ST7: variants seen among roughly 807,000 people sequenced by gnomAD.
ST7 encodes the protein suppression of tumorigenicity 7, also known as suppressor of tumorigenicity 7 protein.
In ST7, 28 loss-of-function variants were observed where a neutral mutation model predicts 78.7. The observed-to-expected ratio is 0.36, with a 90% CI of 0.26 to 0.49. The LOEUF (loss-of-function observed/expected upper bound fraction) is 0.49, where lower values mean the gene tolerates loss of function less well. Ranked by LOEUF, ST7 falls within the 20% of genes least tolerant of loss-of-function variation. ST7 has a pLI of 0.99. For synonymous variants in ST7, 247 were observed against 249.6 expected (o/e 0.99, Z 0.10); for missense variants, 418 against 696.0 (o/e 0.60, Z 4.49).
At chr7:117,101,068 T>A (rs994174506) in intron 2 of ST7, among the ~76,000 whole-genome samples, 1 of 152,024 alleles carries the variant, frequency 6.6e-6, no homozygotes, top group South Asian at 2.1e-4. Flanking sequence ...AGTAAAAAGA[T>A]GAAGAAATGT....
intron 1 of ST7, among the ~76,000 whole-genome samples, chr7:116,987,906 T>C (rs1794255372): frequency 6.6e-6 from 1 of 152,204 alleles, no homozygotes; most frequent in Non-Finnish European, 1.5e-5. Context: ...TTTGTGTTTT[T>C]GGTAGAGACA....
chr7:117,119,976 T>C (rs1803232446), intron 3 of ST7, among the ~76,000 whole-genome samples: 2 of 151,834 alleles, frequency 1.3e-5, no homozygotes. Flanking sequence ...TCACCCAGGC[T>C]GGAGTGCAGT....
intron 2 of ST7, among the ~76,000 whole-genome samples, chr7:117,103,114 G>C (rs964492450): frequency 6.6e-6 from 1 of 152,048 alleles, no homozygotes; most frequent in Non-Finnish European, 1.5e-5. Context: ...TTTTGTGCTC[G>C]TGGATTGGAA....
chr7:117,178,786 A>G (rs538947594), intron 10 of ST7, among the ~76,000 whole-genome samples: 58 of 152,334 alleles, frequency 3.8e-4, no homozygotes, highest in Admixed American at 7.8e-4. Flanking sequence ...TAAGTTTTCC[A>G]AGACCCATCT....
chr7:117,180,271 G>A (rs769767474), intron 10 of ST7, among the ~76,000 whole-genome samples: 9 of 152,106 alleles, frequency 5.9e-5, no homozygotes, highest in Non-Finnish European at 8.8e-5. Flanking sequence ...CTGCTGAGTC[G>A]TTAACAATGA....
chr7:117,064,958 CATT>C (rs923818013), intron 1 of ST7, among the ~76,000 whole-genome samples: 23 of 152,262 alleles, frequency 1.5e-4, no homozygotes, highest in Admixed American at 3.9e-4. Context: ...TGACTAATCT[CATT>C]GTGTATATTG....
chr7:117,208,429 C>T (rs1218797116), intron 12 of ST7, among the ~76,000 whole-genome samples: 1 of 152,132 alleles, frequency 6.6e-6, no homozygotes. Context: ...TCTCACTTCC[C>T]TACTCTTCCT....
At chr7:117,097,271 A>G (rs1373139494) in intron 1 of ST7, among the ~76,000 whole-genome samples, 1 of 151,592 alleles carries the variant, frequency 6.6e-6, no homozygotes, top group Non-Finnish European at 1.5e-5. Context: ...TGAAAGGTAT[A>G]TGGTACAGAT....
At position 117,097,909 on chromosome 7, in the gene ST7, T is replaced by TATATATATATATATATATA. The variant is rs1554436004; in HGVS notation, c.152-1853_152-1852insATATATATATATATATATA. 4.5e-3 allele frequency among the ~76,000 whole-genome samples: 68 copies of TATATATATATATATATATA among 15,278 alleles called. 1 individual carries two copies. Among genetic ancestry groups the TATATATATATATATATATA allele is most frequent in the Middle Eastern group, 0.062 (1 of 16 alleles). 10.0% of individuals were successfully genotyped at this position (15,278 alleles called of 152,430 possible). On this transcript the variant is annotated intron_variant, in intron 1 of 15. Coordinates refer to ENST00000323984, the MANE Select transcript of ST7 (RefSeq NM_001369598.1). ...ATATATATATATATATATATATATA[T>TATATATATATATATATATA]TTTTTTTTTTTTTTTTTTTGATGGC...
rs142817250 is a variant in ST7 at position 117,144,850 on chromosome 7, A to T, written c.963+6318A>T. 6.1e-3 allele frequency among the ~76,000 whole-genome samples: 924 copies of T among 152,268 alleles called. 20 individuals carry two copies. Among genetic ancestry groups the T allele is most frequent in the African/African-American group, 0.021 (868 of 41,544 alleles). On this transcript the variant is annotated intron_variant, in intron 9 of 15. Transcript: ENST00000323984. ...ATTTTCTTATGATGATAAAAGTAAA[A>T]TTTAAAAATAAAGATTGAGACCACT...
chr7:116,998,249 C>T (rs561764841), intron 1 of ST7, among the ~76,000 whole-genome samples: 28 of 152,332 alleles, frequency 1.8e-4, no homozygotes, highest in African/African-American at 6.3e-4. Flanking sequence ...GGTGCTAAGC[C>T]CCTCACTGCC....
chr7:117,094,194 T>C (rs1032249596), intron 1 of ST7, among the ~76,000 whole-genome samples: 2 of 152,192 alleles, frequency 1.3e-5, no homozygotes, highest in East Asian at 3.8e-4. Context: ...TAGATAGTAA[T>C]TTCACATATC....
intron 1 of ST7, among the ~76,000 whole-genome samples, chr7:117,034,073 A>G (rs1796757441): frequency 6.6e-6 from 1 of 151,970 alleles, no homozygotes; most frequent in African/African-American, 2.4e-5. Flanking sequence ...TCTCAAGTAG[A>G]TAGGACCACA....
At chr7:116,987,584 G>A (rs1402536184) in intron 1 of ST7, among the ~76,000 whole-genome samples, 5 of 152,050 alleles carry the variant, frequency 3.3e-5, no homozygotes, top group Non-Finnish European at 7.3e-5. Context: ...CACTTATATT[G>A]GCCACATTTC....
chr7:117,166,879 A>T (rs1807597735), intron 9 of ST7, among the ~76,000 whole-genome samples: 1 of 147,306 alleles, frequency 6.8e-6, no homozygotes, highest in African/African-American at 2.6e-5. Context: ...ACAGAGCCAG[A>T]CTCTGTCTCT....
chr7:117,086,514 G>A (rs924670441), intron 1 of ST7, among the ~76,000 whole-genome samples: 26 of 152,270 alleles, frequency 1.7e-4, no homozygotes, highest in African/African-American at 5.3e-4. Context: ...CATGAGGGAT[G>A]ACCATTTTGG....
intron 8 of ST7, 98 bp from the exon 9 acceptor site, chr7:117,138,337 G>C: frequency 1.6e-6 from 1 of 640,650 alleles, no homozygotes; most frequent in Non-Finnish European, 2.6e-6. Context: ...TATTAACAAA[G>C]TTGTCAGTGC....
chr7:117,134,447 G>T (rs149408294), intron 7 of ST7, among the ~76,000 whole-genome samples: 384 of 151,960 alleles, frequency 2.5e-3, no homozygotes, highest in African/African-American at 8.5e-3. Flanking sequence ...AAACTCATGC[G>T]TTTCCACATA....
chr7:117,199,272 G>C (rs992812513), intron 12 of ST7: 7 of 152,328 alleles, frequency 4.6e-5, no homozygotes, highest in Non-Finnish European at 1.0e-4. Flanking sequence ...GCTTTTTTCA[G>C]ACCAGGCCTG....
Sources: allele counts gnomAD v4.1 joint callset (sites outside exome capture counted in the v4.1 genomes callset), GRCh38; gene constraint gnomAD v4.1.1; transcripts MANE v1.5; gene names NCBI Gene and HGNC (gene_info 2026-07-23, HGNC 2026-07-21).